LRRIQ1: variants seen among roughly 807,000 people sequenced by gnomAD.
The protein encoded by LRRIQ1 is leucine rich repeats and IQ motif containing 1.
A neutral mutation model predicts 211.9 loss-of-function variants in LRRIQ1; 210 were observed. That is an observed-to-expected ratio of 0.99 (90% CI 0.89 to 1.11). The LOEUF is 1.11. Among genes scored for constraint, LRRIQ1 ranks in the 50% most tolerant of loss-of-function variants. The pLI is 0.00. For missense variants in LRRIQ1, 2,136 were observed against 1,939.5 expected, an observed-to-expected ratio of 1.10 and a Z score of -1.90; for synonymous variants, 699 against 650.1, an observed-to-expected ratio of 1.08 and a Z score of -1.14.
At chr12:85,209,870 G>A (rs1390376984) in intron 24 of LRRIQ1, among the ~76,000 whole-genome samples, 1 of 151,984 alleles carries the variant, frequency 6.6e-6, no homozygotes, top group Non-Finnish European at 1.5e-5. Flanking sequence ...GCTTATGTAA[G>A]ACTCATGAGA....
chr12:85,104,175 T>A (rs2136310367), intron 14 of LRRIQ1, 98 bp downstream of exon 14: 1 of 502,318 alleles, frequency 2.0e-6, no homozygotes, highest in African/African-American at 2.0e-5. Flanking sequence ...TTAATGGCAT[T>A]TACATATAAT....
chr12:85,055,964 AGCC>A lies in LRRIQ1; in HGVS notation c.1172_1174del (p.Ser391_Gln392delinsLys). On this transcript the variant is annotated inframe_deletion, in exon 8 of 27. Coordinates refer to ENST00000393217, the MANE Select transcript of LRRIQ1 (RefSeq NM_001079910.2). ...AAAAATAATATTAAGAGAAGATGCA[AGCC>A]AACAGCTAATAATAAGTAGTGCATT... is the stretch of plus-strand genomic sequence containing the variant. 1 of 1,609,540 alleles carries A rather than the reference AGCC, an allele frequency of 6.2e-7. No individual in the cohort carries two copies. Among genetic ancestry groups the A allele is most frequent in the Admixed American group, 1.7e-5 (1 of 59,664 alleles).
At chr12:85,253,067 G>T (rs1450117176) in intron 1 of LRRIQ1, among the ~76,000 whole-genome samples, 1 of 151,870 alleles carries the variant, frequency 6.6e-6, no homozygotes, top group Non-Finnish European at 1.5e-5. Context: ...AATGTCTTAC[G>T]TGAAATAGGC....
exon 2 of LRRIQ1, chr12:85,263,113 G>A (rs908439889): frequency 7.2e-6 from 7 of 967,976 alleles, no homozygotes; most frequent in Non-Finnish European, 8.6e-6. Context: ...ATGAAGTCTG[G>A]ATATCTAGTC....
intron 19 of LRRIQ1, among the ~76,000 whole-genome samples, chr12:85,150,934 C>T (rs1222324399): frequency 2.6e-5 from 4 of 151,398 alleles, no homozygotes; most frequent in South Asian, 2.1e-4. Context: ...TTAACATGTG[C>T]GTTACCTCAC....
chr12:85,153,878 A>G, intron 22 of LRRIQ1, 120 bp downstream of exon 22: 2 of 947,134 alleles, frequency 2.1e-6, no homozygotes, highest in Middle Eastern at 3.4e-4. Flanking sequence ...TGTCCATCCA[A>G]TTTAGTTTCT....
chr12:85,119,551 G>A (rs1159145222), intron 15 of LRRIQ1, among the ~76,000 whole-genome samples: 1 of 152,064 alleles, frequency 6.6e-6, no homozygotes, highest in Non-Finnish European at 1.5e-5. Flanking sequence ...GGGTCATTTG[G>A]TGAGATTTAA....
At chr12:85,246,092 T>C (rs952942786), downstream of LRRIQ1, among the ~76,000 whole-genome samples, 6 of 151,232 alleles carry the variant, frequency 4.0e-5, no homozygotes, top group African/African-American at 1.2e-4. Context: ...TGATAAATTT[T>C]AATTTACTTT....
intron 21 of LRRIQ1, 131 bp downstream of exon 21, chr12:85,153,276 A>C: frequency 1.0e-6 from 1 of 958,938 alleles, no homozygotes; most frequent in Middle Eastern, 3.1e-4. Context: ...TAGTGTTAAA[A>C]ACATCATGGT....
intron 19 of LRRIQ1, among the ~76,000 whole-genome samples, chr12:85,151,431 A>C (rs1890232858): frequency 6.6e-6 from 1 of 151,678 alleles, no homozygotes; most frequent in Non-Finnish European, 1.5e-5. Flanking sequence ...TCTAGTTTTA[A>C]ATCATAAAAT....
intron 24 of LRRIQ1, among the ~76,000 whole-genome samples, chr12:85,183,002 G>C (rs1436442100): frequency 6.6e-6 from 1 of 152,156 alleles, no homozygotes; most frequent in Non-Finnish European, 1.5e-5. Flanking sequence ...GAGCCTTCCA[G>C]TGCACGCACT....
intron 1 of LRRIQ1, among the ~76,000 whole-genome samples, chr12:85,254,101 G>GCTCT: frequency 6.6e-6 from 1 of 152,036 alleles, no homozygotes; most frequent in Admixed American, 6.6e-5. Context: ...CTACCCCCTT[G>GCTCT]CTCTCTCTTG....
intron 11 of LRRIQ1, 109 bp downstream of exon 11, chr12:85,073,207 T>A (rs1883282564): frequency 1.5e-6 from 1 of 668,386 alleles, no homozygotes; most frequent in Non-Finnish European, 2.4e-6. Context: ...TTTTTAAATA[T>A]AGGTAAAATA....
In LRRIQ1 at chr12:85,253,701, C is replaced by A. The variant is rs182260103; in HGVS notation, c.121+8792C>A. 2.4e-3 allele frequency among the ~76,000 whole-genome samples: 372 copies of A among 152,140 alleles called. 3 individuals carry two copies. The highest frequency in any genetic ancestry group is 3.3e-3 in the Non-Finnish European group (225 of 67,976). On this transcript the variant is annotated intron_variant, in intron 1 of 1. Transcript: ENST00000602731. ...CAGATAGTTCAATAGATTAGACACA[C>A]AAACACAAATGGACACACACACACA...
At chr12:85,094,334 T>C (rs1466933538) in intron 11 of LRRIQ1, among the ~76,000 whole-genome samples, 1 of 152,106 alleles carries the variant, frequency 6.6e-6, no homozygotes, top group Non-Finnish European at 1.5e-5. Flanking sequence ...TATTTTATTA[T>C]ATACTAAAAT....
intron 24 of LRRIQ1, among the ~76,000 whole-genome samples, chr12:85,188,982 T>G (rs562131023): frequency 6.6e-6 from 1 of 152,256 alleles, no homozygotes; most frequent in Admixed American, 6.5e-5. Flanking sequence ...TCAGCAAACT[T>G]CATTTTGAAC....
intron 11 of LRRIQ1, among the ~76,000 whole-genome samples, chr12:85,076,229 C>G (rs959080127): frequency 6.6e-6 from 1 of 151,774 alleles, no homozygotes; most frequent in Non-Finnish European, 1.5e-5. Context: ...TTGACTTTTT[C>G]CACACAAAAC....
intron 10 of LRRIQ1, among the ~76,000 whole-genome samples, chr12:85,069,579 T>G (rs1882844701): frequency 6.6e-6 from 1 of 151,926 alleles, no homozygotes; most frequent in Non-Finnish European, 1.5e-5. Flanking sequence ...TGTTCCTATT[T>G]CTCCACATCC....
chr12:85,236,828 TGC>T (rs1383122118), intron 26 of LRRIQ1, among the ~76,000 whole-genome samples: 11 of 123,080 alleles, frequency 8.9e-5, no homozygotes, highest in Non-Finnish European at 1.5e-4. Flanking sequence ...TGTGTATGTG[TGC>T]ATATATATAT....
Sources: gnomAD v4.1 joint callset for allele counts (sites outside exome capture counted in the v4.1 genomes callset) on GRCh38, gnomAD v4.1.1 for gene constraint, MANE v1.5 for transcripts, NCBI Gene and HGNC (gene_info 2026-07-23, HGNC 2026-07-21) for gene names.